The following EVI5 variants were observed in gnomAD, a reference collection of about 807,000 sequenced individuals.
EVI5 encodes the protein ecotropic viral integration site 5 protein homolog.
Under a neutral mutation model 112.0 loss-of-function variants are expected in EVI5, and 73 were observed. The observed-to-expected ratio is 0.65, with a 90% confidence interval of 0.54 to 0.79. The LOEUF (loss-of-function observed/expected upper bound fraction) is 0.79, where lower values mean the gene tolerates loss of function less well. Among genes scored for constraint, EVI5 ranks in the 30% least tolerant of loss-of-function variants. The pLI is 0.00. For synonymous variants in EVI5, 305 were observed against 319.9 expected (o/e 0.95, Z 0.50); for missense variants, 900 against 968.8 (o/e 0.93, Z 0.94).
At chr1:92,678,139 T>C (rs1667038482) in intron 9 of EVI5, among the ~76,000 whole-genome samples, 1 of 152,174 alleles carries the variant, frequency 6.6e-6, no homozygotes, top group Non-Finnish European at 1.5e-5. Context: ...CATTCATATC[T>C]CAAACCTCAG....
intron 1 of EVI5, among the ~76,000 whole-genome samples, chr1:92,746,976 C>T (rs1249975796): frequency 6.6e-6 from 1 of 151,354 alleles, no homozygotes; most frequent in African/African-American, 2.4e-5. Flanking sequence ...TTACCCAATA[C>T]AAGTAACGGG....
chr1:92,693,621 G>A (rs1669831638), intron 9 of EVI5, among the ~76,000 whole-genome samples, 181 bp downstream of exon 9: 1 of 152,040 alleles, frequency 6.6e-6, no homozygotes, highest in African/African-American at 2.4e-5. Flanking sequence ...TTTAAAGGTA[G>A]TACATGCTAG....
At chr1:92,748,519 A>T (rs1157556473) in intron 1 of EVI5, among the ~76,000 whole-genome samples, 1 of 152,372 alleles carries the variant, frequency 6.6e-6, no homozygotes, top group Non-Finnish European at 1.5e-5. Flanking sequence ...ATTTGAAGCC[A>T]TTAAGTTTCA....
chr1:92,630,000 T>C (rs1485696955), intron 14 of EVI5, among the ~76,000 whole-genome samples: 5 of 152,286 alleles, frequency 3.3e-5, no homozygotes, highest in Middle Eastern at 3.4e-3. Flanking sequence ...ATGGAACTCA[T>C]CCTTTTTAAT....
chr1:92,579,680 C>A (rs370182603), intron 18 of EVI5, among the ~76,000 whole-genome samples: 1 of 151,968 alleles, frequency 6.6e-6, no homozygotes, highest in African/African-American at 2.4e-5. Flanking sequence ...ATAGAAAGAT[C>A]TAAATGTTTG....
upstream of EVI5, among the ~76,000 whole-genome samples, chr1:92,789,562 A>C (rs1455285599): frequency 6.6e-6 from 1 of 152,134 alleles, no homozygotes; most frequent in Non-Finnish European, 1.5e-5. Context: ...TCAGCCTCCC[A>C]AAGTGCTGAG....
chr1:92,581,979 G>A (rs776035268), intron 18 of EVI5, among the ~76,000 whole-genome samples: 3 of 152,150 alleles, frequency 2.0e-5, no homozygotes, highest in Non-Finnish European at 4.4e-5. Context: ...ATGTAGTCAC[G>A]ACTCGCTTAA....
At chr1:92,657,002 A>T (rs1479207588) in intron 13 of EVI5, among the ~76,000 whole-genome samples, 1 of 152,140 alleles carries the variant, frequency 6.6e-6, no homozygotes, top group Non-Finnish European at 1.5e-5. Context: ...TCCAAAAAAC[A>T]TCAAGGAGGG....
chr1:92,551,961 T>C (rs1254806363), intron 19 of EVI5, among the ~76,000 whole-genome samples: 1 of 152,180 alleles, frequency 6.6e-6, no homozygotes. Context: ...GTTGGGACCA[T>C]CTCTTCAGAA....
chr1:92,749,054 G>A (rs552712000), intron 1 of EVI5: 184 of 131,212 alleles, frequency 1.4e-3, no homozygotes, highest in African/African-American at 5.7e-3. Flanking sequence ...CAACAAGAGC[G>A]AAACTCTGTC....
intron 11 of EVI5, 132 bp downstream of exon 11, chr1:92,665,807 A>C: frequency 3.7e-6 from 2 of 543,858 alleles, no homozygotes; most frequent in Non-Finnish European, 6.4e-6. Flanking sequence ...AATAAATAGT[A>C]AGGTAAGCAA....
At position 92,641,215 on chromosome 1, in the gene EVI5, A is replaced by T. The variant is rs985994907; in HGVS notation, c.1393-4879T>A. Among the ~76,000 whole-genome samples, 4 of 151,688 alleles carry T rather than the reference A, an allele frequency of 2.6e-5. No homozygotes were observed. The East Asian group carries it at 7.7e-4, about 29-fold the overall frequency. ...TAAAATTGAAAAAAAAAATTGTGTG[A>T]TTAATTTTTAAAATGTTTATCTCTA... On this transcript the variant is annotated intron_variant, in intron 13 of 19. Coordinates refer to ENST00000684568, the MANE Select transcript of EVI5 (RefSeq NM_001350197.2).
intron 9 of EVI5, among the ~76,000 whole-genome samples, chr1:92,690,652 C>CA (rs1669349687): frequency 6.6e-6 from 1 of 151,984 alleles, no homozygotes; most frequent in South Asian, 2.1e-4. Flanking sequence ...GCCTGGCCCT[C>CA]AATAATAACT....
At chr1:92,743,606 TACA>T (rs1439887933) in intron 1 of EVI5, among the ~76,000 whole-genome samples, 2 of 152,142 alleles carry the variant, frequency 1.3e-5, no homozygotes, top group Admixed American at 6.5e-5. Flanking sequence ...ATGGTGGTTG[TACA>T]ACAATATGAA....
chr1:92,674,631 C>T (rs1370582870), intron 10 of EVI5, among the ~76,000 whole-genome samples: 2 of 150,970 alleles, frequency 1.3e-5, no homozygotes, highest in African/African-American at 4.9e-5. Flanking sequence ...CACGTGTATA[C>T]CTATGTAACA....
chr1:92,771,587 G>C (rs1424520149), intron 1 of EVI5, among the ~76,000 whole-genome samples: 1 of 145,720 alleles, frequency 6.9e-6, no homozygotes, highest in Non-Finnish European at 1.5e-5. Context: ...CCTTGGATAA[G>C]GAATATATCA....
chr1:92,555,848 CAAA>C (rs148221183), intron 19 of EVI5, among the ~76,000 whole-genome samples: 135 of 94,110 alleles, frequency 1.4e-3, no homozygotes, highest in East Asian at 3.3e-3. Context: ...AAACTCGTCT[CAAA>C]AAAAAAAAAA....
intron 16 of EVI5, among the ~76,000 whole-genome samples, chr1:92,612,589 A>C: frequency 6.6e-6 from 1 of 152,214 alleles, no homozygotes; most frequent in East Asian, 1.9e-4. Context: ...ATGCGCCTGT[A>C]GTCCCAGCTA....
intron 1 of EVI5, among the ~76,000 whole-genome samples, chr1:92,766,208 T>C (rs1682618344): frequency 6.6e-6 from 1 of 151,332 alleles, no homozygotes; most frequent in Non-Finnish European, 1.5e-5. Context: ...CTAAAATTGT[T>C]ATACCTAAGC....
Sources: gnomAD v4.1 joint callset for allele counts (sites outside exome capture counted in the v4.1 genomes callset) on GRCh38, gnomAD v4.1.1 for gene constraint, MANE v1.5 for transcripts, NCBI Gene and HGNC (gene_info 2026-07-23, HGNC 2026-07-21) for gene names.